The following TMEM132D variants were observed in gnomAD, a reference collection of about 807,000 sequenced individuals.
TMEM132D encodes the protein transmembrane protein 132D.
TMEM132D carries 21 observed loss-of-function variants against 62.3 expected under a neutral mutation model. The ratio of observed to expected loss-of-function variants is 0.34; its 90% CI spans 0.24 to 0.49. The LOEUF is 0.49. Ranked by LOEUF, TMEM132D falls within the 20% of genes least tolerant of loss-of-function variation. The pLI is 0.99. For missense variants in TMEM132D, 1,346 were observed against 1,402.8 expected, an observed-to-expected ratio of 0.96 and a Z score of 0.65; for synonymous variants, 621 against 575.6, an observed-to-expected ratio of 1.08 and a Z score of -1.13.
intron 5 of TMEM132D, among the ~76,000 whole-genome samples, chr12:129,187,650 C>T (rs1238215234): frequency 1.3e-5 from 2 of 152,242 alleles, no homozygotes; most frequent in African/African-American, 2.4e-5. Flanking sequence ...TCACAGTCAG[C>T]AGGACATCCT....
At chr12:129,439,802 A>C (rs1872888510) in intron 3 of TMEM132D, among the ~76,000 whole-genome samples, 1 of 152,150 alleles carries the variant, frequency 6.6e-6, no homozygotes. Context: ...TTTTCCAAAT[A>C]TGTGCTGACC....
rs1390913490 is a variant in TMEM132D at position 129,869,500 on chromosome 12, T to C, written c.79+33761A>G. ...CACAATGTAAATGCTATTTAAGTGG[T>C]TGTTACGCCGTATTGCTTTCATATT... is the stretch of plus-strand genomic sequence containing the variant. On this transcript the variant is annotated intron_variant, in intron 1 of 8. Coordinates refer to ENST00000422113, the MANE Select transcript of TMEM132D (RefSeq NM_133448.3). Among the ~76,000 whole-genome samples, 3 of 152,224 alleles carry C rather than the reference T, an allele frequency of 2.0e-5. No individual in the cohort carries two copies. The East Asian group carries it at 5.8e-4, about 29-fold the overall frequency.
At chr12:129,835,621 A>G (rs1173082465) in intron 1 of TMEM132D, among the ~76,000 whole-genome samples, 3 of 152,206 alleles carry the variant, frequency 2.0e-5, no homozygotes, top group Non-Finnish European at 4.4e-5. Flanking sequence ...ATCATGCGCA[A>G]AAAAGACTGT....
intron 3 of TMEM132D, among the ~76,000 whole-genome samples, chr12:129,451,386 G>A (rs1206499063): frequency 6.6e-6 from 1 of 152,186 alleles, no homozygotes; most frequent in Non-Finnish European, 1.5e-5. Context: ...CACGTGTCTT[G>A]CTTTCTCATG....
At chr12:129,513,841 T>TTTA (rs1875580975) in intron 3 of TMEM132D, among the ~76,000 whole-genome samples, 1 of 133,078 alleles carries the variant, frequency 7.5e-6, no homozygotes, top group African/African-American at 2.8e-5. Context: ...TATTTATTTA[T>TTTA]TTATTTATTT....
intron 3 of TMEM132D, among the ~76,000 whole-genome samples, chr12:129,511,632 C>G (rs1875499830): frequency 6.6e-6 from 1 of 152,138 alleles, no homozygotes; most frequent in Admixed American, 6.5e-5. Context: ...ATCTGTATAT[C>G]TACTTTTGTG....
chr12:129,826,247 A>T (rs1213950361), intron 1 of TMEM132D, among the ~76,000 whole-genome samples: 2 of 152,172 alleles, frequency 1.3e-5, no homozygotes, highest in Admixed American at 6.5e-5. Flanking sequence ...TGAGTCCCTG[A>T]GTGACCCTCC....
At chr12:129,486,712 T>G (rs1365166712) in intron 3 of TMEM132D, among the ~76,000 whole-genome samples, 1 of 152,178 alleles carries the variant, frequency 6.6e-6, no homozygotes, top group Non-Finnish European at 1.5e-5. Flanking sequence ...CTTACCTCCA[T>G]GCCTGTGGTT....
intron 3 of TMEM132D, among the ~76,000 whole-genome samples, chr12:129,396,600 T>G (rs1871440502): frequency 6.6e-6 from 1 of 152,196 alleles, no homozygotes; most frequent in African/African-American, 2.4e-5. Context: ...TGCAGGGAAC[T>G]GGGGCTTTGG....
chr12:129,746,816 C>T (rs945145303), intron 1 of TMEM132D, among the ~76,000 whole-genome samples: 1 of 152,088 alleles, frequency 6.6e-6, no homozygotes, highest in Non-Finnish European at 1.5e-5. Context: ...CCTTTCCCAG[C>T]CTCCCCGACT....
At chr12:129,311,541 A>C (rs1881977163) in intron 4 of TMEM132D, among the ~76,000 whole-genome samples, 1 of 152,180 alleles carries the variant, frequency 6.6e-6, no homozygotes, top group Non-Finnish European at 1.5e-5. Flanking sequence ...GTGTTTAAAA[A>C]AATTAGAATC....
intron 1 of TMEM132D, among the ~76,000 whole-genome samples, chr12:129,843,286 T>G: frequency 6.6e-6 from 1 of 152,284 alleles, no homozygotes; most frequent in Non-Finnish European, 1.5e-5. Flanking sequence ...ATTAAGAATT[T>G]TCAGAAAGCC....
intron 3 of TMEM132D, among the ~76,000 whole-genome samples, chr12:129,386,450 A>G (rs1004278599): frequency 3.9e-5 from 6 of 152,088 alleles, no homozygotes; most frequent in Non-Finnish European, 8.8e-5. Flanking sequence ...CAATACTAAC[A>G]CTAATACCAA....
intron 1 of TMEM132D, among the ~76,000 whole-genome samples, chr12:129,761,076 A>G (rs1191966336): frequency 6.6e-6 from 1 of 151,992 alleles, no homozygotes; most frequent in Non-Finnish European, 1.5e-5. Flanking sequence ...TCAGCAGCAG[A>G]CAATGGATGC....
chr12:129,444,579 A>C (rs1233107951), intron 3 of TMEM132D, among the ~76,000 whole-genome samples: 1 of 152,174 alleles, frequency 6.6e-6, no homozygotes, highest in African/African-American at 2.4e-5. Flanking sequence ...TAAGCTGGAC[A>C]TGCATTAGCT....
At chr12:129,250,007 T>C (rs1268807034) in intron 4 of TMEM132D, among the ~76,000 whole-genome samples, 2 of 151,988 alleles carry the variant, frequency 1.3e-5, no homozygotes, top group Non-Finnish European at 2.9e-5. Context: ...GAGGTGGGCG[T>C]ACCCCGCTGA....
chr12:129,838,136 C>G (rs1474703834), intron 1 of TMEM132D, among the ~76,000 whole-genome samples: 2 of 152,162 alleles, frequency 1.3e-5, no homozygotes. Flanking sequence ...AACTGCTGCA[C>G]TGGATTCCTG....
chr12:129,580,021 T>C (rs889323655), intron 2 of TMEM132D, among the ~76,000 whole-genome samples: 5 of 152,114 alleles, frequency 3.3e-5, no homozygotes, highest in African/African-American at 7.2e-5. Flanking sequence ...CATCATCACA[T>C]TGACCATCCA....
Position 129,473,332 on chromosome 12 carries a change from T to TTTG in TMEM132D, c.1115+57726_1115+57727insCAA, listed in dbSNP as rs1274245497. Among the ~76,000 whole-genome samples, 236 of 134,214 alleles carry TTTG rather than the reference T, an allele frequency of 1.8e-3. 4 individuals carry two copies. The highest frequency in any genetic ancestry group is 6.4e-3 in the African/African-American group (222 of 34,696). 88.0% of individuals were successfully genotyped at this position (134,214 alleles called of 152,430 possible). On this transcript the variant is annotated intron_variant, in intron 3 of 8. Transcript: ENST00000422113. The stretch of plus-strand genomic sequence containing the variant: ...AAGTGATTTTAGTTTTTGTTTTTTT[T>TTTG]TTTTTTTTTTTTTTGAGACCAAGTC...
Sources: gnomAD v4.1 joint callset for allele counts (sites outside exome capture counted in the v4.1 genomes callset) on GRCh38, gnomAD v4.1.1 for gene constraint, MANE v1.5 for transcripts, NCBI Gene and HGNC (gene_info 2026-07-23, HGNC 2026-07-21) for gene names.